Variants in MEF2C observed in about 807,000 individuals in gnomAD.
MEF2C encodes the protein myocyte-specific enhancer factor 2C.
MEF2C carries 6 observed loss-of-function variants against 50.5 expected under a neutral mutation model. The observed-to-expected ratio is 0.12, with a 90% CI of 0.07 to 0.23. MEF2C has a LOEUF of 0.23. Ranked by LOEUF, MEF2C falls within the 10% of genes least tolerant of loss-of-function variation. The pLI, the probability that MEF2C is intolerant of heterozygous loss-of-function variation, is 1.00. For missense variants in MEF2C, 276 were observed against 605.0 expected (o/e 0.46, Z 5.70); for synonymous variants, 183 against 228.0 (o/e 0.80, Z 1.78).
chr5:88,851,284 AGTAT>A, intron 1 of MEF2C, among the ~76,000 whole-genome samples: 1 of 152,026 alleles, frequency 6.6e-6, no homozygotes, highest in Admixed American at 6.6e-5. Flanking sequence ...TAACACACAA[AGTAT>A]GTGTTAATTG....
At chr5:88,757,177 G>A in intron 4 of MEF2C, among the ~76,000 whole-genome samples, 1 of 152,110 alleles carries the variant, frequency 6.6e-6, no homozygotes, top group Non-Finnish European at 1.5e-5. Context: ...ACTGTAGTGA[G>A]TCATAATCAG....
chr5:88,901,255 G>A (rs1173845867), intron 1 of MEF2C, among the ~76,000 whole-genome samples: 8 of 149,656 alleles, frequency 5.3e-5, no homozygotes, highest in Non-Finnish European at 1.0e-4. Context: ...TGAGTAATAT[G>A]TAATTTTTAT....
chr5:88,720,122 A>G lies in MEF2C; in HGVS notation c.*2482T>C, dbSNP rs1479102749. On this transcript the variant is annotated 3_prime_UTR_variant, in exon 11 of 11. Transcript: ENST00000504921. ...CAAAGAACATTTGTGAAATGTTTGC[A>G]TATTTTATACACATCAAGTTAGAAG... 6.6e-6 allele frequency: 1 copy of G among 152,190 alleles called. No homozygotes were observed. Among genetic ancestry groups the G allele is most frequent in the Non-Finnish European group, 1.5e-5 (1 of 68,008 alleles). 9.4% of individuals were successfully genotyped at this position (152,190 alleles called of 1,614,324 possible).
chr5:88,776,388 A>T (rs1458147031), intron 3 of MEF2C, among the ~76,000 whole-genome samples: 1 of 152,076 alleles, frequency 6.6e-6, no homozygotes, highest in Non-Finnish European at 1.5e-5. Context: ...TTGAAATATA[A>T]ATACATTATT....
At chr5:88,752,942 G>A (rs1294382818) in intron 4 of MEF2C, among the ~76,000 whole-genome samples, 1 of 152,080 alleles carries the variant, frequency 6.6e-6, no homozygotes, top group Non-Finnish European at 1.5e-5. Flanking sequence ...AACTCATATG[G>A]TATCAAAACA....
intron 6 of MEF2C, chr5:88,742,007 T>G (rs1767057513): frequency 1.0e-6 from 1 of 985,390 alleles, no homozygotes. Flanking sequence ...TTCTTTGGAT[T>G]GAAATTCAAC....
intron 1 of MEF2C, among the ~76,000 whole-genome samples, chr5:88,832,190 T>C (rs1480877760): frequency 2.0e-5 from 3 of 152,120 alleles, no homozygotes; most frequent in African/African-American, 7.2e-5. Flanking sequence ...TACATTTATT[T>C]ACTCATCCTG....
intron 3 of MEF2C, chr5:88,768,608 C>G (rs1422611834): frequency 1.2e-6 from 1 of 837,562 alleles, no homozygotes; most frequent in Non-Finnish European, 1.4e-6. Context: ...AGCACAAGGC[C>G]TGGCAAGTGG....
chr5:88,740,724 A>G (rs573484268), intron 6 of MEF2C: 2 of 985,056 alleles, frequency 2.0e-6, no homozygotes, highest in South Asian at 9.4e-5. Context: ...GTACTGATTT[A>G]CTGAAGGGAT....
intron 3 of MEF2C, among the ~76,000 whole-genome samples, chr5:88,773,823 T>C (rs1253860416): frequency 6.6e-6 from 1 of 152,256 alleles, no homozygotes; most frequent in African/African-American, 2.4e-5. Flanking sequence ...AGTCTTGGTC[T>C]CTAGTCTTAC....
intron 3 of MEF2C, 121 bp from the exon 4 acceptor site, chr5:88,761,449 G>A: frequency 8.3e-7 from 1 of 1,200,656 alleles, no homozygotes; most frequent in Admixed American, 2.6e-5. Flanking sequence ...ATTCTATTAG[G>A]GAAGAGAAAC....
At chr5:88,857,301 A>G (rs185949447) in intron 1 of MEF2C, among the ~76,000 whole-genome samples, 110 of 152,262 alleles carry the variant, frequency 7.2e-4, no homozygotes, top group Non-Finnish European at 1.1e-3. Context: ...CTCCCATTGT[A>G]TCTAGGAAGT....
At chr5:88,787,643 T>C (rs1317200108) in intron 3 of MEF2C, among the ~76,000 whole-genome samples, 1 of 152,232 alleles carries the variant, frequency 6.6e-6, no homozygotes, top group Non-Finnish European at 1.5e-5. Context: ...CAATATTCTT[T>C]AGAAAAATCA....
chr5:88,789,168 A>G (rs1792511992), intron 3 of MEF2C, among the ~76,000 whole-genome samples: 1 of 151,352 alleles, frequency 6.6e-6, no homozygotes, highest in African/African-American at 2.4e-5. Flanking sequence ...CTTTTTTGTA[A>G]TACTTTTTTT....
chr5:88,728,836 C>T (rs969981921), intron 9 of MEF2C, among the ~76,000 whole-genome samples: 6 of 151,888 alleles, frequency 4.0e-5, no homozygotes, highest in Admixed American at 2.6e-4. Flanking sequence ...AAGTATTCCA[C>T]GAATGCTCTG....
At chr5:88,796,674 G>A (rs1344025467) in intron 3 of MEF2C, among the ~76,000 whole-genome samples, 1 of 152,010 alleles carries the variant, frequency 6.6e-6, no homozygotes, top group Non-Finnish European at 1.5e-5. Flanking sequence ...GCCAGCTTTT[G>A]TTTGTTCTTG....
chr5:88,879,704 A>G lies in MEF2C; in HGVS notation c.-143+3251T>C, dbSNP rs932723524. ...AATGATGGAACTTAAAATTTACACA[A>G]TGAAGACATACATAAAAAAGGACAT... is the stretch of plus-strand genomic sequence containing the variant. On this transcript the variant is annotated intron_variant, in intron 1 of 10. Coordinates refer to ENST00000504921, the MANE Select transcript of MEF2C (RefSeq NM_002397.5). 2.6e-5 allele frequency among the ~76,000 whole-genome samples: 4 copies of G among 152,264 alleles called. No homozygotes were observed. The East Asian group carries it at 7.7e-4, about 29-fold the overall frequency.
intron 1 of MEF2C, among the ~76,000 whole-genome samples, chr5:88,840,745 G>A (rs1398878193): frequency 6.6e-6 from 1 of 151,970 alleles, no homozygotes; most frequent in Admixed American, 6.6e-5. Flanking sequence ...TACAGGATTT[G>A]TTAGCATTTA....
At chr5:88,833,442 T>A (rs563084653) in intron 1 of MEF2C, among the ~76,000 whole-genome samples, 1 of 152,166 alleles carries the variant, frequency 6.6e-6, no homozygotes, top group Admixed American at 6.5e-5. Flanking sequence ...GCTGAAAATA[T>A]CCTGTGGAAA....
Sources: gnomAD v4.1 joint callset for allele counts (sites outside exome capture counted in the v4.1 genomes callset) on GRCh38, gnomAD v4.1.1 for gene constraint, MANE v1.5 for transcripts, NCBI Gene and HGNC (gene_info 2026-07-23, HGNC 2026-07-21) for gene names.